The following AKAP13 variants were observed in gnomAD, a reference collection of about 807,000 sequenced individuals.
The protein encoded by AKAP13 is A-kinase anchoring protein 13, also known as A-kinase anchor protein 13.
In AKAP13, 80 loss-of-function variants were observed where a neutral mutation model predicts 264.5. That is an observed-to-expected ratio of 0.30 (90% CI 0.25 to 0.36). The LOEUF is 0.36. Ranked by LOEUF, AKAP13 falls within the 10% of genes least tolerant of loss-of-function variation. The probability of loss-of-function intolerance (pLI) is 1.00; values close to 1 mark genes in which losing one functional copy is unlikely to be tolerated. For missense variants in AKAP13, 3,712 were observed against 3,435.2 expected, an observed-to-expected ratio of 1.08 and a Z score of -2.01; for synonymous variants, 1,380 against 1,250.2, an observed-to-expected ratio of 1.10 and a Z score of -2.19.
chr15:85,669,839 A>T lies in AKAP13; in HGVS notation c.5101+9A>T. The T allele has an allele frequency of 1.3e-6, 2 of 1,560,722 alleles. No individual in the cohort carries two copies. The highest frequency in any genetic ancestry group is 1.8e-6 in the Non-Finnish European group (2 of 1,136,444). ...CCATCCTGGATTGGACAGTGAGTATACTACTTTTTAAAAAAATTAAATATA... is the reference window on the plus strand; with the variant it reads ...CCATCCTGGATTGGACAGTGAGTATTCTACTTTTTAAAAAAATTAAATATA... On this transcript the variant is annotated intron_variant, in intron 14 of 36. Coordinates refer to ENST00000394518, the MANE Select transcript of AKAP13 (RefSeq NM_007200.5).
intron 2 of AKAP13, among the ~76,000 whole-genome samples, chr15:85,507,112 C>G (rs549203002): frequency 6.6e-6 from 1 of 152,244 alleles, no homozygotes; most frequent in Admixed American, 6.5e-5. Context: ...TGAAATGTTT[C>G]TATTTATAGC....
At chr15:85,663,724 T>G (rs2083461618) in intron 12 of AKAP13, among the ~76,000 whole-genome samples, 1 of 152,216 alleles carries the variant, frequency 6.6e-6, no homozygotes, top group African/African-American at 2.4e-5. Flanking sequence ...ATTACTCTAG[T>G]TAGCAACCCA....
At chr15:85,487,923 G>C (rs564673011) in intron 2 of AKAP13, among the ~76,000 whole-genome samples, 1 of 152,038 alleles carries the variant, frequency 6.6e-6, no homozygotes, top group Non-Finnish European at 1.5e-5. Context: ...ATTGAGACAA[G>C]GTCTTGCTCT....
chr15:85,708,051 G>A lies in AKAP13; in HGVS notation c.5497G>A (p.Glu1833Lys). The change falls in exon 18 of 37, where the codon GAA becomes AAA. Residue 1833 changes from glutamate (E) to lysine (K), a missense_variant. Transcript: ENST00000394518. This position sits in a 1 kb window ranked among gnomAD's most constrained non-coding sequence, Gnocchi z 4.3. ...CSAFVHKGCR[E>K]SLASCAKVKM... ...TGCTTTTGTCCACAAAGGCTGCCGA[G>A]AAAGTCTAGCCTCCTGTGCAAAGGT... 1.2e-6 allele frequency: 2 copies of A among 1,613,894 alleles called. No homozygotes were observed. The highest frequency in any genetic ancestry group is 1.7e-6 in the Non-Finnish European group (2 of 1,179,868).
At chr15:85,685,538 A>G (rs923265497) in intron 16 of AKAP13, 2 of 152,000 alleles carry the variant, frequency 1.3e-5, no homozygotes, top group Non-Finnish European at 2.9e-5. Flanking sequence ...AGGCTGGAGC[A>G]CAGTGGCGTG....
At chr15:85,602,038 A>T (rs11073439) in intron 8 of AKAP13, among the ~76,000 whole-genome samples, 94,433 of 151,676 alleles carry the variant, frequency 0.62, 29,555 homozygotes, top group Middle Eastern at 0.72. Flanking sequence ...AAAGAAAATT[A>T]AGCAAATACA....
At chr15:85,624,922 T>G (rs1260728826) in intron 8 of AKAP13, among the ~76,000 whole-genome samples, 1 of 152,238 alleles carries the variant, frequency 6.6e-6, no homozygotes, top group South Asian at 2.1e-4. Flanking sequence ...CTGGCATTTC[T>G]TCTGAGGTAA....
At chr15:85,499,480 A>G (rs1416613806) in intron 2 of AKAP13, among the ~76,000 whole-genome samples, 1 of 152,226 alleles carries the variant, frequency 6.6e-6, no homozygotes, top group Non-Finnish European at 1.5e-5. Context: ...TTTGGACAGC[A>G]TAAATGAAAG....
intron 9 of AKAP13, among the ~76,000 whole-genome samples, chr15:85,644,508 T>G (rs1371665273): frequency 1.3e-5 from 2 of 150,934 alleles, no homozygotes; most frequent in Non-Finnish European, 3.0e-5. Flanking sequence ...CCCAAAGTGC[T>G]GGGATTACAG....
intron 4 of AKAP13, among the ~76,000 whole-genome samples, chr15:85,541,150 G>C (rs1567114460): frequency 6.6e-6 from 1 of 152,008 alleles, no homozygotes; most frequent in Non-Finnish European, 1.5e-5. Flanking sequence ...TTATCAAATG[G>C]GTATACTATA....
chr15:85,520,607 T>A, intron 2 of AKAP13: 1 of 516,058 alleles, frequency 1.9e-6, no homozygotes, highest in Non-Finnish European at 3.9e-6. Context: ...TGTCTGATTT[T>A]ATGGGATTAA....
intron 18 of AKAP13, among the ~76,000 whole-genome samples, chr15:85,710,201 C>A (rs1159824496): frequency 6.6e-6 from 1 of 152,096 alleles, no homozygotes; most frequent in East Asian, 1.9e-4. Context: ...CCTTAAGGCA[C>A]CAGCAATCTA....
chr15:85,587,552 T>C (rs2079410545), intron 8 of AKAP13, among the ~76,000 whole-genome samples: 1 of 152,228 alleles, frequency 6.6e-6, no homozygotes, highest in Non-Finnish European at 1.5e-5. Context: ...AGTTGCTGGG[T>C]CATATGGTAA....
In AKAP13 at chr15:85,744,895, G is replaced by A; in HGVS notation, c.*218G>A. 2.0e-6 allele frequency: 1 copy of A among 488,754 alleles called. No individual in the cohort carries two copies. The highest frequency in any genetic ancestry group is 3.8e-5 in the Admixed American group (1 of 26,232). The allele number at this position is 488,754 out of a possible 1,614,324, so 30.3% of individuals were successfully genotyped here. A position where few individuals can be genotyped will look rare whatever the true frequency, so the allele number is the denominator to read the frequency against. On this transcript the variant is annotated 3_prime_UTR_variant, in exon 37 of 37. Transcript: ENST00000394518. ...TCTGCTTCGGCCATGATTTGTGACT[G>A]CCCAGGACTCTCAGGTTGGGCTGGC... is the stretch of plus-strand genomic sequence containing the variant.
At chr15:85,645,718 A>G (rs1331136074) in intron 9 of AKAP13, 100 bp from the exon 10 acceptor site, 4 of 1,271,486 alleles carry the variant, frequency 3.1e-6, no homozygotes. Flanking sequence ...AGAGAGATTT[A>G]AAAGACTGGT....
chr15:85,452,261 T>G (rs1188842378), intron 1 of AKAP13, among the ~76,000 whole-genome samples: 1 of 151,656 alleles, frequency 6.6e-6, no homozygotes, highest in Admixed American at 6.6e-5. Context: ...ATCCTTCAGC[T>G]CCTGTATCAC....
At chr15:85,688,980 G>A (rs908823143) in intron 16 of AKAP13, among the ~76,000 whole-genome samples, 1 of 152,160 alleles carries the variant, frequency 6.6e-6, no homozygotes. Flanking sequence ...TTCACAAAGG[G>A]AGTGTGGAAT....
intron 8 of AKAP13, among the ~76,000 whole-genome samples, chr15:85,607,288 A>G (rs908376049): frequency 6.6e-6 from 1 of 152,130 alleles, no homozygotes; most frequent in Non-Finnish European, 1.5e-5. Flanking sequence ...CAGAGGGGAT[A>G]TGGTAGTCTG....
chr15:85,442,446 A>T (rs931873276), intron 1 of AKAP13, among the ~76,000 whole-genome samples: 1 of 128,050 alleles, frequency 7.8e-6, no homozygotes, highest in Non-Finnish European at 1.6e-5. Flanking sequence ...ATAATATAAA[A>T]TATACATATA....
Sources: gnomAD v4.1 joint callset for allele counts (sites outside exome capture counted in the v4.1 genomes callset) on GRCh38, gnomAD v4.1.1 for gene constraint, Gnocchi (gnomAD v3.1) non-coding constraint, MANE v1.5 for transcripts, NCBI Gene and HGNC (gene_info 2026-07-23, HGNC 2026-07-21) for gene names.